RNASEH2B: variants seen among roughly 807,000 people sequenced by gnomAD.
The protein encoded by RNASEH2B is Aicardi-Goutieres syndrome 2 protein.
In RNASEH2B, 36 loss-of-function variants were observed where a neutral mutation model predicts 45.0. That is an observed-to-expected ratio of 0.80 (90% CI 0.61 to 1.06). The LOEUF (loss-of-function observed/expected upper bound fraction) is 1.06, where lower values mean the gene tolerates loss of function less well. RNASEH2B is among the 50% of genes least tolerant of loss of function. The pLI is 0.00. For synonymous variants in RNASEH2B, 119 were observed against 125.7 expected, an observed-to-expected ratio of 0.95 and a Z score of 0.35; for missense variants, 361 against 360.3, an observed-to-expected ratio of 1.00 and a Z score of -0.02.
At chr13:50,931,784 C>T (rs1266550832) in intron 4 of RNASEH2B, among the ~76,000 whole-genome samples, 1 of 152,076 alleles carries the variant, frequency 6.6e-6, no homozygotes. Context: ...AAATGTGAAA[C>T]TTTGTCAGTT....
intron 9 of RNASEH2B, among the ~76,000 whole-genome samples, chr13:50,962,460 C>A (rs894701127): frequency 3.9e-5 from 6 of 152,014 alleles, no homozygotes; most frequent in African/African-American, 1.4e-4. Context: ...AGAAATGTAT[C>A]CATTTGATCT....
chr13:50,943,979 T>C (rs1196582868), intron 6 of RNASEH2B, among the ~76,000 whole-genome samples: 1 of 151,176 alleles, frequency 6.6e-6, no homozygotes, highest in Non-Finnish European at 1.5e-5. Flanking sequence ...ATGAAACAGA[T>C]TGTGATGGGA....
intron 9 of RNASEH2B, among the ~76,000 whole-genome samples, chr13:50,965,273 C>G (rs1198665694): frequency 1.3e-5 from 2 of 152,084 alleles, no homozygotes; most frequent in Non-Finnish European, 2.9e-5. Flanking sequence ...AGGTTTGTAC[C>G]CCAGGAGCAG....
At chr13:50,941,360 G>A (rs1353353524) in intron 5 of RNASEH2B, 1 of 152,190 alleles carries the variant, frequency 6.6e-6, no homozygotes, top group Admixed American at 6.5e-5. Context: ...CTGGTAGCAT[G>A]GCTCAGTCTG....
intron 7 of RNASEH2B, 68 bp from the exon 8 acceptor site, chr13:50,947,919 T>G: frequency 6.3e-7 from 1 of 1,596,518 alleles, no homozygotes; most frequent in Non-Finnish European, 8.5e-7. Context: ...TCAGGTCAAT[T>G]TGACTATAAA....
chr13:50,948,916 A>G (rs11618615), intron 8 of RNASEH2B: 9,024 of 152,936 alleles, frequency 0.059, 347 homozygotes, highest in Non-Finnish European at 0.092. Context: ...TCTGCTTAAT[A>G]TATCCCCAGA....
chr13:50,950,627 G>A (rs932079500), intron 9 of RNASEH2B: 8 of 152,176 alleles, frequency 5.3e-5, no homozygotes, highest in Non-Finnish European at 1.0e-4. Context: ...CTGAAACTAA[G>A]AGGGTAGGTT....
intron 7 of RNASEH2B, among the ~76,000 whole-genome samples, chr13:50,947,241 A>G (rs546826337): frequency 3.3e-5 from 5 of 152,232 alleles, no homozygotes; most frequent in African/African-American, 1.2e-4. Flanking sequence ...AGAGTTTTGA[A>G]ACATTTTATT....
At chr13:50,930,874 T>C (rs1352306445) in intron 4 of RNASEH2B, 115 bp downstream of exon 4, 2 of 830,662 alleles carry the variant, frequency 2.4e-6, no homozygotes, top group East Asian at 2.5e-5. Context: ...AGATCTATTA[T>C]AGTGACTAGA....
chr13:50,956,076 C>A, intron 10 of RNASEH2B: 1 of 337,920 alleles, frequency 3.0e-6, no homozygotes, highest in Non-Finnish European at 5.6e-6. Context: ...CTTTATGCAC[C>A]CTCCAGAATT....
chr13:50,943,451 T>G, intron 6 of RNASEH2B, 57 bp downstream of exon 6: 1 of 1,254,206 alleles, frequency 8.0e-7, no homozygotes, highest in Non-Finnish European at 1.2e-6. Flanking sequence ...CTCTAAGAAA[T>G]TTTCAGAGAA....
intron 9 of RNASEH2B, among the ~76,000 whole-genome samples, chr13:50,965,331 C>T (rs1952154868): frequency 6.6e-6 from 1 of 152,196 alleles, no homozygotes; most frequent in South Asian, 2.1e-4. Flanking sequence ...CACCATAGGT[C>T]TGTATAAGTT....
At position 50,956,675 on chromosome 13, in the gene RNASEH2B, G is replaced by GTC; in HGVS notation, c.*204_*205dup. ...AACTTCATGGCTATGGCCTTTTGGA[G>GTC]TCTCATCTGACATAATGAAAAGTAA... is the stretch of plus-strand genomic sequence containing the variant. On this transcript the variant is annotated 3_prime_UTR_variant, in exon 11 of 11. Coordinates refer to ENST00000336617, the MANE Select transcript of RNASEH2B (RefSeq NM_024570.4). 7.5e-7 allele frequency: 1 copy of GTC among 1,332,048 alleles called. No homozygotes were observed. The highest frequency in any genetic ancestry group is 9.7e-7 in the Non-Finnish European group (1 of 1,034,830). 82.5% of individuals were successfully genotyped at this position (1,332,048 alleles called of 1,614,324 possible).
intron 1 of RNASEH2B, among the ~76,000 whole-genome samples, chr13:50,916,359 G>T (rs544573110): frequency 1.3e-5 from 2 of 152,156 alleles, no homozygotes; most frequent in African/African-American, 4.8e-5. Flanking sequence ...AGAAAGTTCA[G>T]TTGATTTAAT....
intron 7 of RNASEH2B, 27 bp from the exon 8 acceptor site, chr13:50,947,959 CT>C: frequency 1.3e-6 from 2 of 1,583,616 alleles, no homozygotes; most frequent in African/African-American, 1.4e-5. Flanking sequence ...TTTTTTTTTG[CT>C]TTCACTCCTC....
downstream of RNASEH2B, chr13:50,956,774 G>A (rs1327851868): frequency 1.8e-6 from 2 of 1,084,276 alleles, no homozygotes; most frequent in African/African-American, 1.7e-5. Context: ...TAGAGTGTAT[G>A]ACTGCTTTTT....
At chr13:50,913,883 G>A (rs2137881848) in intron 1 of RNASEH2B, among the ~76,000 whole-genome samples, 1 of 151,960 alleles carries the variant, frequency 6.6e-6, no homozygotes. Flanking sequence ...CTTTCCAATT[G>A]GAATGCAAAA....
At chr13:50,957,312 A>T (rs551869081), downstream of RNASEH2B, among the ~76,000 whole-genome samples, 11 of 152,130 alleles carry the variant, frequency 7.2e-5, no homozygotes, top group African/African-American at 2.2e-4. Context: ...TTTGTACCCA[A>T]TGTTTAGCTC....
chr13:50,913,745 T>G (rs73186365), intron 1 of RNASEH2B, among the ~76,000 whole-genome samples: 9,139 of 152,270 alleles, frequency 0.06, 306 homozygotes, highest in Middle Eastern at 0.2. Flanking sequence ...GAAAGCAGTT[T>G]CATGGAGGTA....
Sources: allele counts gnomAD v4.1 joint callset (sites outside exome capture counted in the v4.1 genomes callset), GRCh38; gene constraint gnomAD v4.1.1; transcripts MANE v1.5; gene names NCBI Gene and HGNC (gene_info 2026-07-23, HGNC 2026-07-21).